Variants in HMCN2 observed in about 807,000 individuals in gnomAD.
HMCN2 encodes hemicentin-2.
Under a neutral mutation model 377.5 loss-of-function variants are expected in HMCN2, and 325 were observed. That is an observed-to-expected ratio of 0.86 (90% CI 0.79 to 0.94). The LOEUF (loss-of-function observed/expected upper bound fraction) is 0.94. Among genes scored for constraint, HMCN2 ranks in the 40% least tolerant of loss-of-function variants. The pLI is 0.00. For missense variants in HMCN2, 4,543 were observed against 4,725.3 expected (o/e 0.96, Z 1.13); for synonymous variants, 2,007 against 2,046.8 (o/e 0.98, Z 0.53).
rs1432868554 is a variant in HMCN2 at position 130,393,675 on chromosome 9, A to G, written c.10235-67A>G. ...CGGCTTCCTGGAAGAGGTGATGTCT[A>G]AGCTGAGTACTGGAGATGAGAGTCC... is the stretch of plus-strand genomic sequence containing the variant. On this transcript the variant is annotated intron_variant, in intron 67 of 97. Coordinates refer to ENST00000683500, the MANE Select transcript of HMCN2 (RefSeq NM_001291815.2). This position sits in a 1 kb window ranked among gnomAD's most constrained non-coding sequence, Gnocchi z 5.2. 8.4e-7 allele frequency: 1 copy of G among 1,187,702 alleles called. No homozygotes were observed. The highest frequency in any genetic ancestry group is 3.5e-5 in the Admixed American group (1 of 28,284). The allele number at this position is 1,187,702 out of a possible 1,614,324, so 73.6% of individuals were successfully genotyped here.
At chr9:130,355,963 G>C (rs1222133820) in intron 33 of HMCN2, 109 bp downstream of exon 33, 2 of 911,142 alleles carry the variant, frequency 2.2e-6, no homozygotes, top group African/African-American at 3.5e-5. Flanking sequence ...CCAGGAGTAG[G>C]AAAGAGGCCT....
intron 8 of HMCN2, 36 bp downstream of exon 8, chr9:130,299,324 G>A (rs781922016): frequency 9.5e-5 from 39 of 409,210 alleles, no homozygotes; most frequent in South Asian, 7.1e-4. Flanking sequence ...CAGGCCCCTG[G>A]CTCATTCAGA....
At chr9:130,278,015 TCACCACCACCACGATCATCAC>T (rs1564740305) in intron 1 of HMCN2, among the ~76,000 whole-genome samples, 1 of 34,210 alleles carries the variant, frequency 2.9e-5, no homozygotes, top group Non-Finnish European at 4.7e-5. Context: ...ACCATCATCA[TCACCACCACCACGATCATCAC>T]CACCACCATC....
At chr9:130,407,402 A>T in intron 82 of HMCN2, 169 bp from the exon 83 acceptor site, 1 of 427,450 alleles carries the variant, frequency 2.3e-6, no homozygotes, top group South Asian at 2.1e-5. Flanking sequence ...CATTAACCGC[A>T]GCCTCCAGTG....
rs566802333 is a variant in HMCN2, at chr9:130,354,568, G to A, written c.4865-195G>A. 6.6e-5 allele frequency among the ~76,000 whole-genome samples: 10 copies of A among 152,300 alleles called. No individual in the cohort carries two copies. The South Asian group carries it at 1.9e-3, about 28-fold the overall frequency. ...ACAGTCAGCACCCAGGGGTGGGGTG[G>A]CGCGCCCAGGGGCTGAGGAGGGTGA... On this transcript the variant is annotated intron_variant, in intron 31 of 97. Coordinates refer to ENST00000683500, the MANE Select transcript of HMCN2 (RefSeq NM_001291815.2).
rs1187329036 is a variant in HMCN2 at position 130,428,669 on chromosome 9, C to A, written c.14197+180C>A. The stretch of plus-strand genomic sequence containing the variant: ...CTGCGCCAGGCTCTGGAGGTCTGAG[C>A]CCTCCCCTGGCTCCTGGCAGCTGGC... On this transcript the variant is annotated intron_variant, in intron 93 of 97. Coordinates refer to ENST00000683500, the MANE Select transcript of HMCN2 (RefSeq NM_001291815.2). The surrounding 1 kb of genome is among the most constrained non-coding windows in gnomAD (Gnocchi z 5.0). Among the ~76,000 whole-genome samples, 3 of 152,174 alleles carry A rather than the reference C, an allele frequency of 2.0e-5. No individual in the cohort carries two copies. The highest frequency in any genetic ancestry group is 6.5e-5 in the Admixed American group (1 of 15,284).
chr9:130,285,985 T>C (rs7868572), intron 3 of HMCN2, among the ~76,000 whole-genome samples: 120,965 of 152,182 alleles, frequency 0.79, 48,539 homozygotes, highest in African/African-American at 0.91. Flanking sequence ...GTGCTGAGCA[T>C]TTGTCCTGCA....
At chr9:130,432,862 C>T (rs62581031) in intron 97 of HMCN2, 8,850 of 442,612 alleles carry the variant, frequency 0.02, 162 homozygotes, top group Non-Finnish European at 0.025. Flanking sequence ...TCAAGACACA[C>T]GGAGACATGG....
chr9:130,361,835 G>T lies in HMCN2; in HGVS notation c.5951-173G>T, dbSNP rs1389513599. 6.6e-6 allele frequency among the ~76,000 whole-genome samples: 1 copy of T among 152,208 alleles called. No individual in the cohort carries two copies. The highest frequency in any genetic ancestry group is 2.1e-4 in the South Asian group (1 of 4,836). On this transcript the variant is annotated intron_variant, in intron 38 of 97. Transcript: ENST00000683500. This position sits in a 1 kb window ranked among gnomAD's most constrained non-coding sequence, Gnocchi z 4.8. ...TAGAAGCCTCATGGTGGTGTTGAAA[G>T]GATGGAAGTAGCAGCCTTGGGGGCA... is the stretch of plus-strand genomic sequence containing the variant.
At chr9:130,389,790 G>T (rs1035695204) in intron 62 of HMCN2, among the ~76,000 whole-genome samples, 3 of 152,146 alleles carry the variant, frequency 2.0e-5, no homozygotes, top group African/African-American at 7.2e-5. Flanking sequence ...GGTCAGGCTG[G>T]TCTTGAACTC....
rs1837302663 is a variant in HMCN2, at chr9:130,312,508, C to CTCT, written c.2350+2447_2350+2448insTCT. 4.5e-4 allele frequency among the ~76,000 whole-genome samples: 14 copies of CTCT among 31,396 alleles called. 2 individuals are homozygous for CTCT. Among genetic ancestry groups the CTCT allele is most frequent in the African/African-American group, 1.4e-3 (9 of 6,664 alleles). 20.6% of individuals were successfully genotyped at this position (31,396 alleles called of 152,430 possible). ...TTCTCTCTCTCTCTTTCTTTCTGTC[C>CTCT]CTCCCTCCCTCCCTCCCTCCCTCCC... On this transcript the variant is annotated intron_variant, in intron 15 of 97. Transcript: ENST00000683500.
rs1215901284 is a variant in HMCN2, at chr9:130,394,286, G to A, written c.10502-99G>A. The A allele has an allele frequency of 1.0e-5, 8 of 781,190 alleles. No individual in the cohort carries two copies. Among genetic ancestry groups the A allele is most frequent in the Non-Finnish European group, 1.1e-5 (6 of 557,334 alleles). The allele number at this position is 781,190 out of a possible 1,614,324, so 48.4% of individuals were successfully genotyped here. A position where few individuals can be genotyped will look rare whatever the true frequency, so the allele number is the denominator to read the frequency against. ...ATGCAAGAACAAGGGCCACCAAAAT[G>A]TGGGAGCAGAGCCCCTGGACTCAGC... On this transcript the variant is annotated intron_variant, in intron 68 of 97. Transcript: ENST00000683500. This position sits in a 1 kb window ranked among gnomAD's most constrained non-coding sequence, Gnocchi z 5.1.
chr9:130,292,109 A>G (rs1487607182), intron 4 of HMCN2, among the ~76,000 whole-genome samples: 1 of 151,008 alleles, frequency 6.6e-6, no homozygotes, highest in African/African-American at 2.4e-5. Context: ...TGGCAGGAAT[A>G]TTTCCTAGTT....
chr9:130,407,218 C>G (rs1843142287), intron 82 of HMCN2: 1 of 174,954 alleles, frequency 5.7e-6, no homozygotes, highest in Non-Finnish European at 1.2e-5. Flanking sequence ...TCATTGCACT[C>G]CAGCCTGGGC....
intron 14 of HMCN2, among the ~76,000 whole-genome samples, 165 bp downstream of exon 14, chr9:130,307,731 C>T (rs1183470187): frequency 2.0e-5 from 3 of 152,084 alleles, no homozygotes; most frequent in African/African-American, 4.8e-5. Flanking sequence ...CCAGCTCCCC[C>T]ACCCTCACCC....
Position 130,309,933 on chromosome 9 carries a change from C to A in HMCN2, c.2222C>A (p.Ala741Asp). Reference protein sequence around the residue: ...WYRGGLEMILAPEGSSSGKLR... With the variant: ...WYRGGLEMILDPEGSSSGKLR... ...CCAGGGGGTCTTGAAATGATCCTGGCCCCTGAGGGCTCCAGCTCTGGGAAG... is the reference window on the plus strand; with the variant it reads ...CCAGGGGGTCTTGAAATGATCCTGGACCCTGAGGGCTCCAGCTCTGGGAAG... The change falls in exon 15 of 98, where the codon GCC (alanine) becomes GAC (aspartate). Residue 741 changes from alanine (A) to aspartate (D), a missense_variant. Transcript: ENST00000683500. 3.9e-6 allele frequency: 2 copies of A among 517,982 alleles called. No individual in the cohort carries two copies. Among genetic ancestry groups the A allele is most frequent in the Non-Finnish European group, 7.9e-6 (2 of 252,184 alleles). 32.1% of individuals were successfully genotyped at this position (517,982 alleles called of 1,614,324 possible).
intron 84 of HMCN2, 45 bp from the exon 85 acceptor site, chr9:130,410,526 C>T (rs1843353135): frequency 6.5e-7 from 1 of 1,531,618 alleles, no homozygotes; most frequent in East Asian, 2.5e-5. Context: ...AGCCACTCAT[C>T]TTCTTCTCTG....
intron 84 of HMCN2, 77 bp from the exon 85 acceptor site, chr9:130,410,494 C>T: frequency 7.3e-7 from 1 of 1,377,918 alleles, no homozygotes; most frequent in African/African-American, 1.4e-5. Context: ...TGGCTGCCCT[C>T]AGTCCCCTAC....
At chr9:130,316,349 G>A (rs1225160601) in intron 15 of HMCN2, among the ~76,000 whole-genome samples, 1 of 151,806 alleles carries the variant, frequency 6.6e-6, no homozygotes, top group Non-Finnish European at 1.5e-5. Flanking sequence ...TGGAAGGTCT[G>A]GGCTGGAGAA....
Sources: allele counts gnomAD v4.1 joint callset (sites outside exome capture counted in the v4.1 genomes callset), GRCh38; gene constraint gnomAD v4.1.1; non-coding constraint Gnocchi (gnomAD v3.1); transcripts MANE v1.5; gene names NCBI Gene and HGNC (gene_info 2026-07-23, HGNC 2026-07-21).